Variants in LRRC37A2 observed in about 807,000 individuals in gnomAD.
LRRC37A2 encodes the protein leucine rich repeat containing 37 member A2.
Under a neutral mutation model 68.8 loss-of-function variants are expected in LRRC37A2, and 9 were observed. The ratio of observed to expected loss-of-function variants is 0.13; its 90% CI spans 0.08 to 0.23. LRRC37A2 has a LOEUF of 0.23. Among genes scored for constraint, LRRC37A2 ranks in the 10% least tolerant of loss-of-function variants. The pLI is 1.00. For synonymous variants in LRRC37A2, 63 were observed against 367.6 expected, an observed-to-expected ratio of 0.17 and a Z score of 9.48; for missense variants, 168 against 950.4, an observed-to-expected ratio of 0.18 and a Z score of 10.82.
the LRRC37A2 span, among the ~76,000 whole-genome samples, chr17:46,724,363 A>T: frequency 1.3e-5 from 2 of 152,232 alleles, no homozygotes; most frequent in African/African-American, 4.8e-5. Flanking sequence ...TCAGACAGTG[A>T]GTTCTGTTCA....
the LRRC37A2 span, among the ~76,000 whole-genome samples, chr17:46,912,018 A>G: frequency 6.6e-6 from 1 of 152,112 alleles, no homozygotes; most frequent in African/African-American, 2.4e-5. Context: ...CACTAGGCCA[A>G]CCCCCATCGC....
the LRRC37A2 span, among the ~76,000 whole-genome samples, chr17:46,839,645 T>C: frequency 6.6e-6 from 1 of 152,186 alleles, no homozygotes; most frequent in African/African-American, 2.4e-5. Flanking sequence ...AACTCATCAT[T>C]TACACTAGGC....
the LRRC37A2 span, among the ~76,000 whole-genome samples, chr17:46,853,363 CTTTTTTTTTTTTTTTT>C: frequency 5.1e-5 from 4 of 78,896 alleles, no homozygotes; most frequent in Non-Finnish European, 9.0e-5. Context: ...ATGCTAGTGA[CTTTTTTTTTTTTTTTT>C]TTTTTTTTTT....
intron 6 of LRRC37A2, among the ~76,000 whole-genome samples, chr17:46,534,708 G>A (rs1298959762): frequency 2.0e-5 from 3 of 149,976 alleles, no homozygotes; most frequent in Non-Finnish European, 4.4e-5. Flanking sequence ...ATGAGCTGTT[G>A]GGTACACCTC....
At chr17:46,492,189 T>C in the LRRC37A2 span, among the ~76,000 whole-genome samples, 2 of 151,462 alleles carry the variant, frequency 1.3e-5, no homozygotes, top group Non-Finnish European at 2.9e-5. Context: ...GGTCTTGAAC[T>C]CCTGACCTCA....
At chr17:46,952,850 C>T in the LRRC37A2 span, 5 of 151,994 alleles carry the variant, frequency 3.3e-5, no homozygotes, top group Admixed American at 2.6e-4. Context: ...CACTGGATCT[C>T]CATCTCTTTC....
the LRRC37A2 span, among the ~76,000 whole-genome samples, chr17:46,485,987 A>G: frequency 2.5e-5 from 2 of 79,558 alleles, 1 homozygote; most frequent in Non-Finnish European, 6.7e-5. Flanking sequence ...CAAAAAAAAA[A>G]AAAAAAAAAA....
intron 8 of LRRC37A2, among the ~76,000 whole-genome samples, chr17:46,541,809 C>T (rs1256232713): frequency 6.6e-6 from 1 of 151,118 alleles, no homozygotes; most frequent in East Asian, 1.9e-4. Flanking sequence ...TGTATACAAA[C>T]ATTATGTCAT....
the LRRC37A2 span, among the ~76,000 whole-genome samples, chr17:46,808,832 T>C: frequency 2.6e-4 from 39 of 152,022 alleles, no homozygotes; most frequent in Non-Finnish European, 4.7e-4. Flanking sequence ...CCCAGGGGAA[T>C]TGACACTGTG....
At chr17:46,768,243 G>A in the LRRC37A2 span, 40 of 1,602,946 alleles carry the variant, frequency 2.5e-5, no homozygotes, top group East Asian at 6.0e-4. This position sits in a 1 kb window ranked among gnomAD's most constrained non-coding sequence, Gnocchi z 5.0. Context: ...TCAAGAAGAC[G>A]AGATGGGCAA....
At chr17:46,964,531 G>A in the LRRC37A2 span, 3 of 152,494 alleles carry the variant, frequency 2.0e-5, no homozygotes, top group East Asian at 3.8e-4. Flanking sequence ...GCCAGAGGTG[G>A]GGAGGCTGGT....
chr17:46,876,465 TG>T, the LRRC37A2 span: 1 of 1,613,682 alleles, frequency 6.2e-7, no homozygotes, highest in South Asian at 1.1e-5. Flanking sequence ...ACCAAAGGCC[TG>T]GCCCCAAGGT....
the LRRC37A2 span, among the ~76,000 whole-genome samples, chr17:46,895,521 T>A: frequency 1.3e-5 from 2 of 152,324 alleles, no homozygotes; most frequent in Admixed American, 6.5e-5. Flanking sequence ...CTTGACATGG[T>A]GCCTGGCCTG....
the LRRC37A2 span, chr17:46,721,541 G>C: frequency 2.6e-6 from 3 of 1,169,454 alleles, no homozygotes; most frequent in Non-Finnish European, 3.8e-6. Flanking sequence ...TTCTTTTTCT[G>C]TGTGTGTGTG....
At chr17:46,503,017 C>T in the LRRC37A2 span, among the ~76,000 whole-genome samples, 4 of 150,656 alleles carry the variant, frequency 2.7e-5, no homozygotes, top group African/African-American at 1.0e-4. Flanking sequence ...TGGAGATCAT[C>T]CTGGCTAACA....
chr17:47,001,645 C>A, the LRRC37A2 span, among the ~76,000 whole-genome samples: 1 of 151,480 alleles, frequency 6.6e-6, no homozygotes, highest in African/African-American at 2.4e-5. Context: ...GGTGATCCTG[C>A]TTCCTGCCCT....
the LRRC37A2 span, chr17:46,768,663 G>A: frequency 6.2e-7 from 1 of 1,614,152 alleles, no homozygotes; most frequent in Non-Finnish European, 8.5e-7. The surrounding 1 kb of genome is among the most constrained non-coding windows in gnomAD (Gnocchi z 5.0). Context: ...TACCATCTCC[G>A]AGGCGCTGTC....
At chr17:46,839,966 TTCTTTCTTTCTC>T in the LRRC37A2 span, among the ~76,000 whole-genome samples, 1 of 135,386 alleles carries the variant, frequency 7.4e-6, no homozygotes, top group Admixed American at 7.6e-5. Context: ...CTTTCTTTCT[TTCTTTCTTTCTC>T]TTCTTTCTTT....
At chr17:47,000,086 T>TAAATA in the LRRC37A2 span, among the ~76,000 whole-genome samples, 3 of 11,546 alleles carry the variant, frequency 2.6e-4, no homozygotes, top group African/African-American at 6.8e-4. Context: ...AAAAATAAAA[T>TAAATA]AAAATAAAAT....
Sources: allele counts gnomAD v4.1 joint callset (sites outside exome capture counted in the v4.1 genomes callset), GRCh38; gene constraint gnomAD v4.1.1; non-coding constraint Gnocchi (gnomAD v3.1); transcripts MANE v1.5; gene names NCBI Gene and HGNC (gene_info 2026-07-23, HGNC 2026-07-21).